Variants in ABHD17B observed in about 807,000 individuals in gnomAD.
ABHD17B encodes the protein abhydrolase domain containing 17B, depalmitoylase.
A neutral mutation model predicts 26.2 loss-of-function variants in ABHD17B; 9 were observed. That is an observed-to-expected ratio of 0.34 (90% CI 0.21 to 0.60). The LOEUF is 0.60. Among genes scored for constraint, ABHD17B ranks in the 20% least tolerant of loss-of-function variants. The pLI is 0.80. For missense variants in ABHD17B, 224 were observed against 352.1 expected, an observed-to-expected ratio of 0.64 and a Z score of 2.91; for synonymous variants, 127 against 122.3, an observed-to-expected ratio of 1.04 and a Z score of -0.25.
rs537601007 is a variant in ABHD17B, at chr9:71,903,408, A to G, written c.-4+7226T>C. 1.3e-4 allele frequency among the ~76,000 whole-genome samples: 20 copies of G among 152,316 alleles called. No individual in the cohort carries two copies. The South Asian group carries it at 4.1e-3, about 32-fold the overall frequency. ...TTTAAAGAGAGTCCATGTTAACACT[A>G]TTGAAGAAAAGAAAGGAAAATATAA... On this transcript the variant is annotated intron_variant, in intron 1 of 3. Transcript: ENST00000333421.
chr9:71,907,040 A>G (rs1251408606), intron 1 of ABHD17B, among the ~76,000 whole-genome samples: 1 of 152,216 alleles, frequency 6.6e-6, no homozygotes, highest in African/African-American at 2.4e-5. Context: ...GTACTGTAAA[A>G]TATTTTCTAT....
chr9:71,907,730 C>CT (rs1340510887), intron 1 of ABHD17B, among the ~76,000 whole-genome samples: 4 of 152,252 alleles, frequency 2.6e-5, no homozygotes, highest in African/African-American at 9.6e-5. Context: ...AGGCTGGTCT[C>CT]TAACTCCCGA....
intron 1 of ABHD17B, among the ~76,000 whole-genome samples, chr9:71,882,816 T>G (rs975735929): frequency 1.3e-5 from 2 of 152,056 alleles, no homozygotes; most frequent in African/African-American, 4.8e-5. Flanking sequence ...TTTGGGTGAT[T>G]GTTGCACAAT....
intron 1 of ABHD17B, among the ~76,000 whole-genome samples, chr9:71,906,505 A>G (rs1354095300): frequency 2.6e-5 from 4 of 152,134 alleles, no homozygotes; most frequent in African/African-American, 9.7e-5. Flanking sequence ...ATCACCTGGG[A>G]ATCTTGATAA....
At chr9:71,900,647 A>G (rs1827105221) in intron 1 of ABHD17B, among the ~76,000 whole-genome samples, 1 of 62,168 alleles carries the variant, frequency 1.6e-5, no homozygotes, top group Non-Finnish European at 3.2e-5. Context: ...GTGAGACTCC[A>G]TCTCCAAAAA....
downstream of ABHD17B, among the ~76,000 whole-genome samples, chr9:71,863,871 C>T (rs139009218): frequency 1.0e-3 from 156 of 152,242 alleles, 1 homozygote; most frequent in African/African-American, 3.5e-3. Context: ...GGTACCTTTT[C>T]CAACTTGGCA....
chr9:71,904,026 A>G (rs1827215666), intron 1 of ABHD17B, among the ~76,000 whole-genome samples: 1 of 151,744 alleles, frequency 6.6e-6, no homozygotes, highest in Admixed American at 6.6e-5. Context: ...TATTCTATCC[A>G]CTCTTCCAGT....
intron 1 of ABHD17B, among the ~76,000 whole-genome samples, chr9:71,890,511 T>C (rs1826751113): frequency 6.6e-6 from 1 of 152,348 alleles, no homozygotes; most frequent in East Asian, 1.9e-4. Context: ...AAGTTTTATA[T>C]CATTTGCAAT....
chr9:71,894,722 T>C (rs1401904507), intron 1 of ABHD17B, among the ~76,000 whole-genome samples: 1 of 152,074 alleles, frequency 6.6e-6, no homozygotes, highest in Non-Finnish European at 1.5e-5. Context: ...GCTACTTGGG[T>C]GGCTGAGGTA....
At chr9:71,867,254 T>C (rs1420372078) in intron 3 of ABHD17B, among the ~76,000 whole-genome samples, 1 of 152,202 alleles carries the variant, frequency 6.6e-6, no homozygotes, top group Non-Finnish European at 1.5e-5. Context: ...CTCAATGCTC[T>C]TGTCACTCTA....
At chr9:71,898,352 C>T (rs571004362) in intron 1 of ABHD17B, among the ~76,000 whole-genome samples, 1 of 151,934 alleles carries the variant, frequency 6.6e-6, no homozygotes, top group South Asian at 2.1e-4. Flanking sequence ...ACATGGGAGG[C>T]TGGGCATGGT....
In ABHD17B at chr9:71,911,039, C is replaced by A; in HGVS notation, c.-409G>T. 1 of 153,536 alleles carries A rather than the reference C, an allele frequency of 6.5e-6. No individual in the cohort carries two copies. The highest frequency in any genetic ancestry group is 1.8e-4 in the South Asian group (1 of 5,550). The allele number at this position is 153,536 out of a possible 1,614,324, so 9.5% of individuals were successfully genotyped here. A position where few individuals can be genotyped will look rare whatever the true frequency, so the allele number is the denominator to read the frequency against. On this transcript the variant is annotated 5_prime_UTR_variant, in exon 1 of 4. Transcript: ENST00000333421. ...CCTTTCTGGCACTGCAGACGCCACC[C>A]AGACCTAGCCAGGTCTTCCTTCTCT...
At chr9:71,879,937 T>C (rs1826391310) in intron 1 of ABHD17B, among the ~76,000 whole-genome samples, 1 of 152,182 alleles carries the variant, frequency 6.6e-6, no homozygotes, top group Admixed American at 6.5e-5. Flanking sequence ...AACTCATAAC[T>C]ACTGTTTTGT....
downstream of ABHD17B, among the ~76,000 whole-genome samples, chr9:71,864,947 T>A (rs1825913423): frequency 6.6e-6 from 1 of 152,132 alleles, no homozygotes; most frequent in Non-Finnish European, 1.5e-5. Flanking sequence ...AAAGAAAACA[T>A]TTAGCTAAGC....
chr9:71,900,435 C>T lies in ABHD17B; in HGVS notation c.-4+10199G>A, dbSNP rs181153577. Among the ~76,000 whole-genome samples the T allele has an allele frequency of 3.5e-3, 531 of 151,236 alleles. 2 individuals are homozygous for T. The highest frequency in any genetic ancestry group is 4.2e-3 in the Non-Finnish European group (287 of 67,714). ...ATCCCAGCACTTTGGGAGGCTGAGG[C>T]GGACAGGAGTTCGAGACCAGCCTGG... is the stretch of plus-strand genomic sequence containing the variant. On this transcript the variant is annotated intron_variant, in intron 1 of 3. Coordinates refer to ENST00000333421, the MANE Select transcript of ABHD17B (RefSeq NM_001025780.3).
At chr9:71,864,352 T>C (rs1224713135), downstream of ABHD17B, among the ~76,000 whole-genome samples, 1 of 150,674 alleles carries the variant, frequency 6.6e-6, no homozygotes, top group Non-Finnish European at 1.5e-5. Flanking sequence ...CCCAAGTAGC[T>C]GGGACTACAG....
At position 71,910,835 on chromosome 9, in the gene ABHD17B, G is replaced by T. The variant is rs1306011872; in HGVS notation, c.-205C>A. On this transcript the variant is annotated 5_prime_UTR_variant, in exon 1 of 4. Transcript: ENST00000333421. ...GCGAAGAAGGACGGCGGCGCCCCAG[G>T]GGCCCCGCTCACGCTCCCGAGTCTC... 2.0e-5 allele frequency: 3 copies of T among 151,386 alleles called. No individual in the cohort carries two copies. In the East Asian group the frequency reaches 6.0e-4, roughly 30 times the overall value. The allele number at this position is 151,386 out of a possible 1,614,324, so 9.4% of individuals were successfully genotyped here.
chr9:71,866,804 C>A lies in ABHD17B; in HGVS notation c.850G>T (p.Glu284Ter), dbSNP rs1564058521. ...AGAATATTTTACAAATTTACCAGTT[C>A]CTGTGACACAAACTGTTTCAACCTT... ...LERLKQFVSQ[E>*]LVNL Residue 284 changes from glutamate (E) to a stop codon, truncating the protein, a stop_gained, in exon 4 of 4, where the codon GAA becomes TAA. Transcript: ENST00000333421. LOFTEE classifies it high-confidence loss of function. 1 of 1,614,030 alleles carries A rather than the reference C, an allele frequency of 6.2e-7. No homozygotes were observed. Among genetic ancestry groups the A allele is most frequent in the Non-Finnish European group, 8.5e-7 (1 of 1,180,022 alleles).
chr9:71,867,023 A>AG lies in ABHD17B; in HGVS notation c.648-18dup, dbSNP rs368657844. 8.7e-5 allele frequency: 140 copies of AG among 1,612,264 alleles called. 1 individual carries two copies. The African/African-American group carries it at 1.7e-3, about 19-fold the overall frequency. ...TTGTCAATGCTGCAGGGAAAAAGGA[A>AG]GGGGGAAAAATGCAATAAATTAACT... On this transcript the variant is annotated splice_polypyrimidine_tract_variant and intron_variant, in intron 3 of 3. Coordinates refer to ENST00000333421, the MANE Select transcript of ABHD17B (RefSeq NM_001025780.3).
Sources: allele counts gnomAD v4.1 joint callset (sites outside exome capture counted in the v4.1 genomes callset), GRCh38; gene constraint gnomAD v4.1.1; transcripts MANE v1.5; gene names NCBI Gene and HGNC (gene_info 2026-07-23, HGNC 2026-07-21).